ARMC9: variants seen among roughly 807,000 people sequenced by gnomAD.
ARMC9 encodes the protein armadillo repeat containing 9.
A neutral mutation model predicts 107.0 loss-of-function variants in ARMC9; 94 were observed. The observed-to-expected ratio is 0.88, with a 90% CI of 0.74 to 1.04. The LOEUF (loss-of-function observed/expected upper bound fraction) is 1.04, where lower values mean the gene tolerates loss of function less well. ARMC9 is among the 50% of genes least tolerant of loss of function. The pLI, the probability that ARMC9 is intolerant of heterozygous loss-of-function variation, is 0.00. For synonymous variants in ARMC9, 380 were observed against 396.9 expected (o/e 0.96, Z 0.51); for missense variants, 942 against 1,030.1 (o/e 0.91, Z 1.17).
At chr2:231,254,823 A>C (rs1457707910) in intron 9 of ARMC9, among the ~76,000 whole-genome samples, 2 of 152,278 alleles carry the variant, frequency 1.3e-5, no homozygotes, top group South Asian at 4.1e-4. Flanking sequence ...ATGGCATTTC[A>C]CTAATCTTGC....
In ARMC9 at chr2:231,375,391, G is replaced by A. The variant is rs529975290; in HGVS notation, c.*3856G>A. The stretch of plus-strand genomic sequence containing the variant: ...CCACATGGCCAAGGCCCAAGTCTGT[G>A]TGAAAGGATGTGGATACAGGGACCC... On this transcript the variant is annotated 3_prime_UTR_variant, in exon 25 of 25. Coordinates refer to ENST00000611582, the MANE Select transcript of ARMC9 (RefSeq NM_001352754.2). The surrounding 1 kb of genome is among the most constrained non-coding windows in gnomAD (Gnocchi z 4.3). Among the ~76,000 whole-genome samples the A allele has an allele frequency of 6.6e-6, 1 of 152,246 alleles. No homozygotes were observed. Among genetic ancestry groups the A allele is most frequent in the Non-Finnish European group, 1.5e-5 (1 of 68,040 alleles).
At chr2:231,355,448 C>T (rs1018381298) in intron 21 of ARMC9, among the ~76,000 whole-genome samples, 1 of 152,258 alleles carries the variant, frequency 6.6e-6, no homozygotes, top group African/African-American at 2.4e-5. Flanking sequence ...CATTCATCTG[C>T]TTCATCCTTG....
intron 13 of ARMC9, among the ~76,000 whole-genome samples, chr2:231,271,585 T>C (rs1356742751): frequency 3.3e-5 from 5 of 152,236 alleles, no homozygotes; most frequent in African/African-American, 4.8e-5. Flanking sequence ...TTATCTTCCG[T>C]AAGTTCTTAT....
intron 9 of ARMC9, among the ~76,000 whole-genome samples, chr2:231,254,377 A>G (rs2037567476): frequency 6.6e-6 from 1 of 152,200 alleles, no homozygotes; most frequent in South Asian, 2.1e-4. Context: ...CTTCGAATTG[A>G]TGGAAGTTTT....
rs2037043588 is a variant in ARMC9 at position 231,248,997 on chromosome 2, T to TCCTGCACAG, written c.880-7583_880-7575dup. 2.0e-5 allele frequency among the ~76,000 whole-genome samples: 3 copies of TCCTGCACAG among 152,070 alleles called. No homozygotes were observed. The South Asian group carries it at 6.2e-4, about 31-fold the overall frequency. On this transcript the variant is annotated intron_variant, in intron 9 of 24. Coordinates refer to ENST00000611582, the MANE Select transcript of ARMC9 (RefSeq NM_001352754.2). ...GCCCTACATTCCTTACCCACGTGCA[T>TCCTGCACAG]CCTGCACAGCCTGCCCAGCCACAGT... is the stretch of plus-strand genomic sequence containing the variant.
rs187567509 is a variant in ARMC9, at chr2:231,297,913, G to A, written c.1773+1660G>A. Among the ~76,000 whole-genome samples, 2 of 151,626 alleles carry A rather than the reference G, an allele frequency of 1.3e-5. No homozygotes were observed. The highest frequency in any genetic ancestry group is 2.9e-5 in the Non-Finnish European group (2 of 67,924). On this transcript the variant is annotated intron_variant, in intron 19 of 24. Transcript: ENST00000611582. This position sits in a 1 kb window ranked among gnomAD's most constrained non-coding sequence, Gnocchi z 4.2. ...CTTGTATCATCCCTTTGGGTTTTTC[G>A]GTTTGCTTTGGTTTTTCATTTTGCT... is the stretch of plus-strand genomic sequence containing the variant.
chr2:231,327,152 G>T (rs531060595), intron 19 of ARMC9, among the ~76,000 whole-genome samples: 1 of 152,308 alleles, frequency 6.6e-6, no homozygotes, highest in Non-Finnish European at 1.5e-5. Context: ...GCTTTGGCAG[G>T]GACGAGGAAG....
chr2:231,349,650 C>T (rs1462565510), intron 21 of ARMC9, among the ~76,000 whole-genome samples: 3 of 152,002 alleles, frequency 2.0e-5, no homozygotes, highest in African/African-American at 4.8e-5. Flanking sequence ...GGTGCGGTAG[C>T]GAGTGCCTGT....
At chr2:231,353,096 G>A (rs1575166985) in intron 21 of ARMC9, among the ~76,000 whole-genome samples, 1 of 131,222 alleles carries the variant, frequency 7.6e-6, no homozygotes, top group South Asian at 2.1e-4. Flanking sequence ...AAGGGCTTGA[G>A]AAACTCTGTA....
At chr2:231,345,700 G>A (rs2044781252) in intron 21 of ARMC9, among the ~76,000 whole-genome samples, 1 of 152,148 alleles carries the variant, frequency 6.6e-6, no homozygotes, top group Non-Finnish European at 1.5e-5. Context: ...TCTGTGGTCT[G>A]GGTGGCCTCT....
chr2:231,350,769 C>T (rs1017775502), intron 21 of ARMC9, among the ~76,000 whole-genome samples: 24 of 151,718 alleles, frequency 1.6e-4, no homozygotes, highest in African/African-American at 5.8e-4. Flanking sequence ...CTCCTCTTGT[C>T]AATGATGATC....
intron 1 of ARMC9, among the ~76,000 whole-genome samples, chr2:231,200,990 C>G (rs187541875): frequency 6.6e-6 from 1 of 152,214 alleles, no homozygotes; most frequent in African/African-American, 2.4e-5. Context: ...GGCTTAGGAT[C>G]CTGGAAGAGC....
At chr2:231,344,877 T>C in intron 20 of ARMC9, 98 bp from the exon 21 acceptor site, 1 of 1,139,966 alleles carries the variant, frequency 8.8e-7, no homozygotes, top group Non-Finnish European at 1.3e-6. Flanking sequence ...AAGCTTCTTA[T>C]CATTATAGAG....
At chr2:231,210,121 T>A (rs1186409012) in intron 3 of ARMC9, among the ~76,000 whole-genome samples, 2 of 152,250 alleles carry the variant, frequency 1.3e-5, no homozygotes, top group African/African-American at 2.4e-5. Context: ...GACTCCCCAG[T>A]GGCCTGGCAT....
At chr2:231,285,474 T>G (rs2040520999) in intron 17 of ARMC9, among the ~76,000 whole-genome samples, 1 of 151,788 alleles carries the variant, frequency 6.6e-6, no homozygotes, top group Non-Finnish European at 1.5e-5. Context: ...GGAGAAACCC[T>G]GTCTCTACTA....
At chr2:231,370,904 G>GC (rs1211546615) in intron 24 of ARMC9, 3 of 333,954 alleles carry the variant, frequency 9.0e-6, no homozygotes, top group Non-Finnish European at 1.2e-5. Context: ...TTCTTTGGCC[G>GC]CCCCCAGCCC....
chr2:231,328,385 C>T (rs901274673), intron 19 of ARMC9, among the ~76,000 whole-genome samples: 2 of 152,040 alleles, frequency 1.3e-5, no homozygotes, highest in Admixed American at 6.6e-5. Flanking sequence ...GTCTTTTCAC[C>T]GAACAAGTTT....
chr2:231,219,412 T>C (rs933897049), intron 5 of ARMC9, among the ~76,000 whole-genome samples: 1 of 152,192 alleles, frequency 6.6e-6, no homozygotes, highest in Non-Finnish European at 1.5e-5. Flanking sequence ...CAGATAGGAT[T>C]AGAATACTAG....
intron 6 of ARMC9, among the ~76,000 whole-genome samples, chr2:231,224,499 G>T (rs1476894713): frequency 6.6e-6 from 1 of 152,202 alleles, no homozygotes; most frequent in African/African-American, 2.4e-5. Context: ...TTTATAGGAA[G>T]AGTATGAAGA....
Sources: gnomAD v4.1 joint callset for allele counts (sites outside exome capture counted in the v4.1 genomes callset) on GRCh38, gnomAD v4.1.1 for gene constraint, Gnocchi (gnomAD v3.1) non-coding constraint, MANE v1.5 for transcripts, NCBI Gene and HGNC (gene_info 2026-07-23, HGNC 2026-07-21) for gene names.